CPN1: variants seen among roughly 807,000 people sequenced by gnomAD.
The protein encoded by CPN1 is carboxypeptidase N subunit 1.
CPN1 carries 37 observed loss-of-function variants against 46.4 expected under a neutral mutation model. The observed-to-expected ratio is 0.80, with a 90% CI of 0.61 to 1.05. The LOEUF (loss-of-function observed/expected upper bound fraction) is 1.05. Among genes scored for constraint, CPN1 ranks in the 50% least tolerant of loss-of-function variants. The probability of loss-of-function intolerance (pLI) is 0.00; values close to 1 mark genes in which losing one functional copy is unlikely to be tolerated. For synonymous variants in CPN1, 224 were observed against 235.4 expected (o/e 0.95, Z 0.44); for missense variants, 563 against 602.6 (o/e 0.93, Z 0.69).
chr10:100,064,303 T>C (rs1388807775), intron 4 of CPN1, among the ~76,000 whole-genome samples: 2 of 151,352 alleles, frequency 1.3e-5, no homozygotes, highest in Non-Finnish European at 2.9e-5. Context: ...ATTCACCATG[T>C]AGTTCATTAA....
intron 6 of CPN1, 118 bp downstream of exon 6, chr10:100,056,895 C>A (rs1184813398): frequency 1.6e-6 from 2 of 1,247,896 alleles, no homozygotes; most frequent in Non-Finnish European, 1.2e-6. Flanking sequence ...AAGAAGACGC[C>A]CAGATCTATT....
Position 100,042,517 on chromosome 10 carries a change from G to C in CPN1, c.1287C>G (p.Pro429=). ...IPQVSPVRRA[P]SRRHGVRAKV... is the part of the protein sequence containing the mutation. ...TGGCTCTGACTCCGTGCCTTCTGCT[G>C]GGAGCTCTCCTCACAGGGCTTACTT... The change falls in exon 9 of 9, where the codon CCC becomes CCG. Residue 429 remains proline (P), a synonymous_variant. Transcript: ENST00000370418. 1 of 1,613,866 alleles carries C rather than the reference G, an allele frequency of 6.2e-7. No individual in the cohort carries two copies. The highest frequency in any genetic ancestry group is 8.5e-7 in the Non-Finnish European group (1 of 1,180,014).
At chr10:100,072,984 T>A (rs2041493845) in intron 2 of CPN1, among the ~76,000 whole-genome samples, 1 of 152,234 alleles carries the variant, frequency 6.6e-6, no homozygotes, top group Non-Finnish European at 1.5e-5. Context: ...AGTGAATGAA[T>A]GGATGCCGGG....
intron 5 of CPN1, among the ~76,000 whole-genome samples, chr10:100,062,756 C>T (rs1306027592): frequency 7.0e-6 from 1 of 143,256 alleles, no homozygotes; most frequent in Non-Finnish European, 1.5e-5. Context: ...ACCATGCCCA[C>T]CTAATTTTTC....
Position 100,075,961 on chromosome 10 carries a change from G to A in CPN1, c.370C>T (p.His124Tyr), listed in dbSNP as rs374761550. The change falls in exon 2 of 9, where the codon CAC becomes TAC. Residue 124 changes from histidine (H) to tyrosine (Y), a missense_variant. Transcript: ENST00000370418. ...IVQLIQDTRI[H>Y]ILPSMNPDGY... Reference sequence around the variant, plus strand: ...TCGGGGTTCATGGATGGCAGGATGTGAATGCGCGTGTCCTGGATGAGCTGG... The same window carrying A: ...TCGGGGTTCATGGATGGCAGGATGTAAATGCGCGTGTCCTGGATGAGCTGG... 7 of 1,614,082 alleles carry A rather than the reference G, an allele frequency of 4.3e-6. No homozygotes were observed. Among genetic ancestry groups the A allele is most frequent in the African/African-American group, 1.3e-5 (1 of 74,920 alleles).
At chr10:100,075,805 A>C (rs2133448245) in intron 2 of CPN1, 106 bp downstream of exon 2, 1 of 1,199,506 alleles carries the variant, frequency 8.3e-7, no homozygotes, top group Non-Finnish European at 1.2e-6. Flanking sequence ...TTTTACTTTT[A>C]ACATTTGTGA....
At chr10:100,066,539 C>G (rs2041455639) in intron 3 of CPN1, among the ~76,000 whole-genome samples, 1 of 152,204 alleles carries the variant, frequency 6.6e-6, no homozygotes, top group South Asian at 2.1e-4. Flanking sequence ...ATGGGCCAGT[C>G]TTGGCTAAGC....
rs142351661 is a variant in CPN1, at chr10:100,054,009, C to T, written c.1111+338G>A. 1.4e-4 allele frequency among the ~76,000 whole-genome samples: 22 copies of T among 152,322 alleles called. No individual in the cohort carries two copies. The East Asian group carries it at 4.2e-3, about 29-fold the overall frequency. Reference sequence around the variant, plus strand: ...CACCAGTATGTGAGCTATTAACAGGCTTAAGCCCAGAAAATACCCCTAACA... The same window carrying T: ...CACCAGTATGTGAGCTATTAACAGGTTTAAGCCCAGAAAATACCCCTAACA... On this transcript the variant is annotated intron_variant, in intron 7 of 8. Coordinates refer to ENST00000370418, the MANE Select transcript of CPN1 (RefSeq NM_001308.3).
At chr10:100,067,493 G>T (rs761575190) in intron 3 of CPN1, among the ~76,000 whole-genome samples, 2 of 152,126 alleles carry the variant, frequency 1.3e-5, no homozygotes, top group African/African-American at 2.4e-5. Context: ...TGTCAGCATG[G>T]CTTTTGCTTC....
At chr10:100,065,146 G>A in intron 4 of CPN1, 42 bp downstream of exon 4, 1 of 1,598,582 alleles carries the variant, frequency 6.3e-7, no homozygotes, top group African/African-American at 1.3e-5. Flanking sequence ...CACCTCCTGA[G>A]CCCCAAGTTC....
At chr10:100,043,639 G>T (rs2041291577) in intron 8 of CPN1, among the ~76,000 whole-genome samples, 1 of 151,604 alleles carries the variant, frequency 6.6e-6, no homozygotes. Context: ...AAGAGTGTTG[G>T]TATGGACTTG....
Position 100,075,989 on chromosome 10 carries a change from G to A in CPN1, c.342C>T (p.Ile114=), listed in dbSNP as rs768101001. 6.8e-6 allele frequency: 11 copies of A among 1,614,174 alleles called. No individual in the cohort carries two copies. Among genetic ancestry groups the A allele is most frequent in the African/African-American group, 2.7e-5 (2 of 75,036 alleles). Residue 114 remains isoleucine, a synonymous_variant, in exon 2 of 9, where the codon ATC becomes ATT. Transcript: ENST00000370418. ...CEEFRNRNQR[I]VQLIQDTRIH... ...TGCGCGTGTCCTGGATGAGCTGGAC[G>A]ATGCGCTGGTTCCTGTTCCGGAACT...
At chr10:100,055,353 C>A (rs914144288) in intron 6 of CPN1, among the ~76,000 whole-genome samples, 2 of 151,706 alleles carry the variant, frequency 1.3e-5, no homozygotes, top group African/African-American at 4.9e-5. Context: ...CCATTATCCC[C>A]CCCCCCAGCC....
intron 1 of CPN1, among the ~76,000 whole-genome samples, chr10:100,078,469 C>T (rs2041527322): frequency 6.6e-6 from 1 of 152,218 alleles, no homozygotes; most frequent in South Asian, 2.1e-4. Context: ...AAATCTCCCA[C>T]TTGGTCTCCC....
intron 8 of CPN1, among the ~76,000 whole-genome samples, chr10:100,042,779 A>G (rs546602442): frequency 6.6e-6 from 1 of 152,140 alleles, no homozygotes; most frequent in East Asian, 1.9e-4. Context: ...TGAACTTAAT[A>G]TACATTGATT....
At chr10:100,074,615 C>T (rs970407774) in intron 2 of CPN1, among the ~76,000 whole-genome samples, 1 of 152,120 alleles carries the variant, frequency 6.6e-6, no homozygotes, top group South Asian at 2.1e-4. Context: ...CAGGGTTTCT[C>T]CATGTTGGTC....
intron 8 of CPN1, among the ~76,000 whole-genome samples, chr10:100,046,879 G>C (rs2041316127): frequency 1.3e-5 from 2 of 152,044 alleles, no homozygotes; most frequent in Non-Finnish European, 2.9e-5. Flanking sequence ...TTCAAGATCA[G>C]CCTGGCCAAC....
At chr10:100,075,268 C>T (rs2133447921) in intron 2 of CPN1, among the ~76,000 whole-genome samples, 1 of 152,252 alleles carries the variant, frequency 6.6e-6, no homozygotes, top group South Asian at 2.1e-4. Flanking sequence ...CCAGCCTGGG[C>T]AACAAAGTAA....
Position 100,042,438 on chromosome 10 carries a change from C to T in CPN1, c.1366G>A (p.Gly456Ser). 1 of 1,613,244 alleles carries T rather than the reference C, an allele frequency of 6.2e-7. No individual in the cohort carries two copies. The highest frequency in any genetic ancestry group is 8.5e-7 in the Non-Finnish European group (1 of 1,180,010). The change falls in exon 9 of 9, where the codon GGC (glycine) becomes AGC (serine). Residue 456 changes from glycine to serine, a missense_variant. Coordinates refer to ENST00000370418, the MANE Select transcript of CPN1 (RefSeq NM_001308.3). ...TGGCACTGTGGGTTTCAGGCAGGGC[C>T]TCTCTGCAGCTGCCTCATCTCCATT... ...KEMEMRQLQR[G>S]PA
Sources: allele counts gnomAD v4.1 joint callset (sites outside exome capture counted in the v4.1 genomes callset), GRCh38; gene constraint gnomAD v4.1.1; transcripts MANE v1.5; gene names NCBI Gene and HGNC (gene_info 2026-07-23, HGNC 2026-07-21).